LRFN2: variants seen among roughly 807,000 people sequenced by gnomAD.
LRFN2 encodes leucine rich repeat and fibronectin type III domain containing 2.
A neutral mutation model predicts 37.3 loss-of-function variants in LRFN2; 18 were observed. The observed-to-expected ratio is 0.48, with a 90% CI of 0.33 to 0.72. The LOEUF is 0.72. Ranked by LOEUF, LRFN2 falls within the 30% of genes least tolerant of loss-of-function variation. The pLI is 0.02. For synonymous variants in LRFN2, 556 were observed against 466.6 expected, an observed-to-expected ratio of 1.19 and a Z score of -2.47; for missense variants, 1,006 against 1,060.7, an observed-to-expected ratio of 0.95 and a Z score of 0.72.
At chr6:40,454,349 T>C (rs1029073666) in intron 1 of LRFN2, among the ~76,000 whole-genome samples, 7 of 152,054 alleles carry the variant, frequency 4.6e-5, no homozygotes, top group Non-Finnish European at 1.0e-4. Context: ...GTGCATCTAG[T>C]TGGGGATGGT....
At chr6:40,574,932 C>T (rs1767251258) in intron 1 of LRFN2, among the ~76,000 whole-genome samples, 1 of 152,206 alleles carries the variant, frequency 6.6e-6, no homozygotes, top group Non-Finnish European at 1.5e-5. Flanking sequence ...CCCTGCTTCT[C>T]CCAAAACACA....
intron 1 of LRFN2, among the ~76,000 whole-genome samples, chr6:40,572,839 A>G (rs1291578894): frequency 1.3e-5 from 2 of 152,164 alleles, no homozygotes; most frequent in Non-Finnish European, 2.9e-5. Flanking sequence ...ATGGGCTGTT[A>G]GCAGGTGGGC....
Position 40,392,662 on chromosome 6 carries a change from C to T in LRFN2, c.1651G>A (p.Val551Ile), listed in dbSNP as rs562066173. The T allele has an allele frequency of 2.0e-5, 32 of 1,613,500 alleles. No individual in the cohort carries two copies. Among genetic ancestry groups the T allele is most frequent in the Middle Eastern group, 1.6e-4 (1 of 6,062 alleles). Reference protein sequence around the residue: ...IIVATLLVFIVILMVRYKVCN... With the variant: ...IIVATLLVFIIILMVRYKVCN... The stretch of plus-strand genomic sequence containing the variant: ...ACCTTGTAGCGCACCATGAGGATGA[C>T]GATGAAGACCAGCAGCGTGGCCACG... The change falls in exon 3 of 3, where the codon GTC becomes ATC. Residue 551 changes from valine to isoleucine, a missense_variant. Physicochemically the swap from Val to Ile is conservative, Grantham distance 29. Coordinates refer to ENST00000338305, the MANE Select transcript of LRFN2 (RefSeq NM_020737.3). This position sits in a 1 kb window ranked among gnomAD's most constrained non-coding sequence, Gnocchi z 4.7.
chr6:40,506,926 GA>G (rs148339312), intron 1 of LRFN2, among the ~76,000 whole-genome samples: 6 of 149,844 alleles, frequency 4.0e-5, no homozygotes, highest in South Asian at 4.2e-4. Flanking sequence ...ATGTAAAGCT[GA>G]AAAAAAAAGA....
intron 2 of LRFN2, among the ~76,000 whole-genome samples, chr6:40,411,075 T>C (rs1357671836): frequency 6.6e-6 from 1 of 152,188 alleles, no homozygotes; most frequent in Non-Finnish European, 1.5e-5. Context: ...TGTAAATAAA[T>C]CACGTGTGAG....
intron 2 of LRFN2, among the ~76,000 whole-genome samples, chr6:40,422,114 T>C (rs1040610635): frequency 6.6e-6 from 1 of 152,174 alleles, no homozygotes; most frequent in Admixed American, 6.5e-5. Context: ...GCACATGGTG[T>C]TTTGTTTCCA....
intron 1 of LRFN2, among the ~76,000 whole-genome samples, chr6:40,528,299 C>T (rs1308792114): frequency 6.6e-6 from 1 of 152,266 alleles, no homozygotes; most frequent in African/African-American, 2.4e-5. Context: ...AGACTGAACA[C>T]AGGAATGCCT....
intron 2 of LRFN2, among the ~76,000 whole-genome samples, chr6:40,430,526 G>A (rs1763454528): frequency 6.6e-6 from 1 of 152,214 alleles, no homozygotes; most frequent in Non-Finnish European, 1.5e-5. Context: ...GAGCGGTAAG[G>A]TTTTAGGCCA....
At chr6:40,583,621 A>G (rs912722648) in intron 1 of LRFN2, among the ~76,000 whole-genome samples, 3 of 152,232 alleles carry the variant, frequency 2.0e-5, no homozygotes, top group African/African-American at 7.2e-5. Flanking sequence ...AAGTGCAGTC[A>G]CACATGCTGC....
intron 1 of LRFN2, among the ~76,000 whole-genome samples, chr6:40,520,729 G>A (rs1766036860): frequency 6.6e-6 from 1 of 152,140 alleles, no homozygotes; most frequent in Non-Finnish European, 1.5e-5. Flanking sequence ...GGAGGGAGGG[G>A]TGGAGAGTTG....
Position 40,429,615 on chromosome 6 carries a change from G to A in LRFN2, c.1400+2099C>T, listed in dbSNP as rs529067931. On this transcript the variant is annotated intron_variant, in intron 2 of 2. Coordinates refer to ENST00000338305, the MANE Select transcript of LRFN2 (RefSeq NM_020737.3). ...GATCAAAATGAGTACTTCCACTGGT[G>A]AAAGGGTAAATATTTATATGTAATG... Among the ~76,000 whole-genome samples, 3 of 152,256 alleles carry A rather than the reference G, an allele frequency of 2.0e-5. No homozygotes were observed. In the East Asian group the frequency reaches 5.8e-4, roughly 29 times the overall value.
chr6:40,523,382 A>G (rs776978706), intron 1 of LRFN2, among the ~76,000 whole-genome samples: 3 of 152,148 alleles, frequency 2.0e-5, no homozygotes, highest in African/African-American at 4.8e-5. Flanking sequence ...ACGCCCCACC[A>G]TGCCCTAACC....
At position 40,392,725 on chromosome 6, in the gene LRFN2, G is replaced by A. The variant is rs757410199; in HGVS notation, c.1588C>T (p.Leu530=). 3 of 1,614,128 alleles carry A rather than the reference G, an allele frequency of 1.9e-6. No individual in the cohort carries two copies. Among genetic ancestry groups the A allele is most frequent in the Non-Finnish European group, 2.5e-6 (3 of 1,179,988 alleles). Residue 530 remains leucine, a synonymous_variant, in exon 3 of 3, where the codon CTG becomes TTG. Coordinates refer to ENST00000338305, the MANE Select transcript of LRFN2 (RefSeq NM_020737.3). The surrounding 1 kb of genome is among the most constrained non-coding windows in gnomAD (Gnocchi z 4.7). The part of the protein sequence containing the change: ...PQCQSMHSQI[L]GGTMILVIGG... ...ATGACCAGGATCATGGTGCCGCCCA[G>A]AATCTGGCTGTGCATGGACTGGCAC... is the stretch of plus-strand genomic sequence containing the variant.
chr6:40,584,915 C>T (rs1767475204), intron 1 of LRFN2, among the ~76,000 whole-genome samples: 2 of 152,202 alleles, frequency 1.3e-5, no homozygotes, highest in Non-Finnish European at 2.9e-5. Context: ...CTGGTTTCCC[C>T]GGTGGCCCCA....
intron 2 of LRFN2, among the ~76,000 whole-genome samples, chr6:40,397,866 G>A (rs1762648258): frequency 6.7e-6 from 1 of 148,196 alleles, no homozygotes; most frequent in Admixed American, 6.7e-5. Context: ...CTCACAGATG[G>A]ATGCCGGCCC....
intron 1 of LRFN2, among the ~76,000 whole-genome samples, chr6:40,487,845 C>T (rs963007487): frequency 6.6e-6 from 1 of 152,200 alleles, no homozygotes; most frequent in African/African-American, 2.4e-5. Context: ...CATCCAAATC[C>T]TACTTTTTCT....
chr6:40,513,254 A>T lies in LRFN2; in HGVS notation c.-19+73687T>A, dbSNP rs532023164. ...TAACAATTTTTTTTTTTTTTTTGAGACAAGTTCTCACTCTCATCACCCAGG... is the reference window on the plus strand; with the variant it reads ...TAACAATTTTTTTTTTTTTTTTGAGTCAAGTTCTCACTCTCATCACCCAGG... On this transcript the variant is annotated intron_variant, in intron 1 of 2. Coordinates refer to ENST00000338305, the MANE Select transcript of LRFN2 (RefSeq NM_020737.3). Among the ~76,000 whole-genome samples the T allele has an allele frequency of 6.0e-5, 9 of 149,820 alleles. No homozygotes were observed. In the South Asian group the frequency reaches 1.9e-3, roughly 32 times the overall value.
intron 1 of LRFN2, among the ~76,000 whole-genome samples, chr6:40,540,064 C>T (rs539427725): frequency 6.6e-6 from 1 of 152,232 alleles, no homozygotes; most frequent in South Asian, 2.1e-4. Context: ...CCGCACAGGC[C>T]ATGGATGCAG....
At chr6:40,419,971 G>C (rs1418452336) in intron 2 of LRFN2, among the ~76,000 whole-genome samples, 1 of 152,200 alleles carries the variant, frequency 6.6e-6, no homozygotes, top group Non-Finnish European at 1.5e-5. Context: ...TAATGACCTA[G>C]TGCAAAGGTT....
Sources: gnomAD v4.1 joint callset for allele counts (sites outside exome capture counted in the v4.1 genomes callset) on GRCh38, gnomAD v4.1.1 for gene constraint, Gnocchi (gnomAD v3.1) non-coding constraint, MANE v1.5 for transcripts, NCBI Gene and HGNC (gene_info 2026-07-23, HGNC 2026-07-21) for gene names.